The following TDRD5 variants were observed in gnomAD, a reference collection of about 807,000 sequenced individuals.
The protein encoded by TDRD5 is tudor domain-containing protein 5.
In TDRD5, 41 loss-of-function variants were observed where a neutral mutation model predicts 120.6. The ratio of observed to expected loss-of-function variants is 0.34; its 90% CI spans 0.26 to 0.44. The LOEUF is 0.44. Ranked by LOEUF, TDRD5 falls within the 20% of genes least tolerant of loss-of-function variation. The pLI is 1.00. For missense variants in TDRD5, 1,006 were observed against 1,221.2 expected, an observed-to-expected ratio of 0.82 and a Z score of 2.63; for synonymous variants, 430 against 433.7, an observed-to-expected ratio of 0.99 and a Z score of 0.11.
rs1424794872 is a variant in TDRD5, at chr1:179,635,517, G to C, written c.1300-150G>C. ...CCCCATTCCCAGGCATTCTGAATCA[G>C]TAAGTCTGGGCTAGAGTTCAAGAAT... On this transcript the variant is annotated intron_variant, in intron 8 of 17. Coordinates refer to ENST00000444136, the MANE Select transcript of TDRD5 (RefSeq NM_001199085.3). 40 of 734,192 alleles carry C rather than the reference G, an allele frequency of 5.4e-5. No individual in the cohort carries two copies. In the East Asian group the frequency reaches 1.1e-3, roughly 20 times the overall value. The allele number at this position is 734,192 out of a possible 1,614,324, so 45.5% of individuals were successfully genotyped here. A position where few individuals can be genotyped will look rare whatever the true frequency, so the allele number is the denominator to read the frequency against.
chr1:179,631,925 G>A (rs1572372262), intron 7 of TDRD5, among the ~76,000 whole-genome samples: 1 of 42,804 alleles, frequency 2.3e-5, no homozygotes, highest in African/African-American at 9.0e-5. Flanking sequence ...TTTTTTTTTT[G>A]AGATAGATTC....
chr1:179,687,303 C>T (rs1572451287), intron 17 of TDRD5, among the ~76,000 whole-genome samples: 1 of 152,180 alleles, frequency 6.6e-6, no homozygotes, highest in Non-Finnish European at 1.5e-5. Context: ...GTTATGTACC[C>T]AGTAGTCATT....
intron 4 of TDRD5, among the ~76,000 whole-genome samples, chr1:179,602,334 G>T (rs898811304): frequency 6.6e-6 from 1 of 152,092 alleles, no homozygotes; most frequent in Non-Finnish European, 1.5e-5. Context: ...TCATATGTTT[G>T]TTGGCCATTT....
At chr1:179,622,529 A>G (rs1676896356) in intron 6 of TDRD5, among the ~76,000 whole-genome samples, 1 of 152,220 alleles carries the variant, frequency 6.6e-6, no homozygotes, top group Non-Finnish European at 1.5e-5. Flanking sequence ...ATTAAAGGAT[A>G]TAAAGGAATA....
At chr1:179,676,440 C>T (rs886501130) in intron 17 of TDRD5, among the ~76,000 whole-genome samples, 16 of 151,888 alleles carry the variant, frequency 1.1e-4, no homozygotes, top group Middle Eastern at 3.2e-3. Flanking sequence ...GTTATTGTTA[C>T]GTAGGTCCTG....
At chr1:179,658,679 A>G in intron 14 of TDRD5, among the ~76,000 whole-genome samples, 1 of 152,102 alleles carries the variant, frequency 6.6e-6, no homozygotes, top group East Asian at 1.9e-4. Flanking sequence ...CCTTTTCATT[A>G]GTCTTACTAG....
chr1:179,644,202 A>G (rs939391671), intron 11 of TDRD5, among the ~76,000 whole-genome samples: 6 of 152,222 alleles, frequency 3.9e-5, no homozygotes, highest in African/African-American at 1.4e-4. Context: ...GCAGATCTAC[A>G]GGAAAGAATG....
chr1:179,681,226 C>T (rs1249968047), intron 17 of TDRD5, among the ~76,000 whole-genome samples: 2 of 152,186 alleles, frequency 1.3e-5, no homozygotes, highest in East Asian at 3.8e-4. Context: ...CACAGTTGCA[C>T]ACCAGCACAC....
intron 11 of TDRD5, among the ~76,000 whole-genome samples, chr1:179,643,621 A>C (rs547688174): frequency 1.5e-4 from 4 of 26,310 alleles, no homozygotes; most frequent in Non-Finnish European, 5.5e-4. Context: ...TGAACTTTAA[A>C]AACAGATCAA....
intron 14 of TDRD5, 67 bp from the exon 15 acceptor site, chr1:179,662,037 C>A: frequency 3.6e-6 from 5 of 1,384,754 alleles, no homozygotes; most frequent in South Asian, 2.0e-5. Flanking sequence ...ACTATAAAAC[C>A]TAAATTTTAT....
At chr1:179,624,170 G>A (rs1676993641) in intron 6 of TDRD5, among the ~76,000 whole-genome samples, 1 of 152,080 alleles carries the variant, frequency 6.6e-6, no homozygotes, top group Non-Finnish European at 1.5e-5. Context: ...GAATAACAAG[G>A]AAGAAAAGCC....
chr1:179,682,066 T>C (rs1455513409), intron 17 of TDRD5, among the ~76,000 whole-genome samples: 2 of 147,080 alleles, frequency 1.4e-5, no homozygotes, highest in Admixed American at 1.4e-4. Flanking sequence ...AACAACTGTT[T>C]TAATATCCAT....
At chr1:179,597,941 T>C (rs931129282) in intron 4 of TDRD5, among the ~76,000 whole-genome samples, 57 of 152,244 alleles carry the variant, frequency 3.7e-4, no homozygotes, top group African/African-American at 1.3e-3. Context: ...AGCTTTATAA[T>C]ATCTTTGTCA....
chr1:179,657,287 C>A (rs552085599), intron 14 of TDRD5, among the ~76,000 whole-genome samples: 2 of 152,006 alleles, frequency 1.3e-5, no homozygotes, highest in Non-Finnish European at 2.9e-5. Context: ...TCTTTTATTT[C>A]TTCAACAGTG....
At chr1:179,688,037 C>T (rs1171963724) in intron 17 of TDRD5, among the ~76,000 whole-genome samples, 1 of 152,110 alleles carries the variant, frequency 6.6e-6, no homozygotes, top group Non-Finnish European at 1.5e-5. Flanking sequence ...GCATTTAGCC[C>T]ATTTACATTT....
chr1:179,629,335 C>G (rs1363101724), intron 6 of TDRD5, among the ~76,000 whole-genome samples: 1 of 152,086 alleles, frequency 6.6e-6, no homozygotes, highest in African/African-American at 2.4e-5. Context: ...GGGAGACTAC[C>G]TGAAGAGCCA....
intron 4 of TDRD5, among the ~76,000 whole-genome samples, chr1:179,615,380 A>C (rs1349913651): frequency 6.6e-6 from 1 of 152,148 alleles, no homozygotes; most frequent in Non-Finnish European, 1.5e-5. Context: ...GTTGAACTTT[A>C]TGCTTTAATT....
Position 179,591,870 on chromosome 1 carries a change from C to G in TDRD5, c.-270C>G, listed in dbSNP as rs1478208459. ...CGCCGTCGCAGCTACCTTCCTGCGC[C>G]GATTCGGAGAGGGCCCCCTAATCTC... On this transcript the variant is annotated 5_prime_UTR_variant, in exon 1 of 18. Coordinates refer to ENST00000444136, the MANE Select transcript of TDRD5 (RefSeq NM_001199085.3). 6.6e-6 allele frequency: 1 copy of G among 152,318 alleles called. No individual in the cohort carries two copies. The highest frequency in any genetic ancestry group is 1.5e-5 in the Non-Finnish European group (1 of 68,116). 9.4% of individuals were successfully genotyped at this position (152,318 alleles called of 1,614,324 possible). A position where few individuals can be genotyped will look rare whatever the true frequency, so the allele number is the denominator to read the frequency against.
intron 4 of TDRD5, among the ~76,000 whole-genome samples, chr1:179,607,851 G>GA (rs1214365276): frequency 1.3e-5 from 2 of 151,782 alleles, no homozygotes; most frequent in African/African-American, 2.4e-5. Context: ...GATTAAAAAT[G>GA]AAAAAAACTT....
Sources: allele counts gnomAD v4.1 joint callset (sites outside exome capture counted in the v4.1 genomes callset), GRCh38; gene constraint gnomAD v4.1.1; transcripts MANE v1.5; gene names NCBI Gene and HGNC (gene_info 2026-07-23, HGNC 2026-07-21).